PDIA6: variants seen among roughly 807,000 people sequenced by gnomAD.
PDIA6 encodes the protein protein disulfide isomerase family A member 6, also known as protein disulfide-isomerase A6.
Under a neutral mutation model 58.4 loss-of-function variants are expected in PDIA6, and 29 were observed. The observed-to-expected ratio is 0.50, with a 90% CI of 0.37 to 0.68. The LOEUF (loss-of-function observed/expected upper bound fraction) is 0.68. Among genes scored for constraint, PDIA6 ranks in the 30% least tolerant of loss-of-function variants. The pLI, the probability that PDIA6 is intolerant of heterozygous loss-of-function variation, is 0.00. For missense variants in PDIA6, 480 were observed against 551.0 expected, an observed-to-expected ratio of 0.87 and a Z score of 1.29; for synonymous variants, 192 against 202.6, an observed-to-expected ratio of 0.95 and a Z score of 0.44.
rs541201831 is a variant in PDIA6, at chr2:10,831,769, G to A, written c.-48+433C>T. Among the ~76,000 whole-genome samples the A allele has an allele frequency of 5.3e-4, 81 of 152,142 alleles. 1 individual carries two copies. The highest frequency in any genetic ancestry group is 1.9e-3 in the African/African-American group (77 of 41,500). The stretch of plus-strand genomic sequence containing the variant: ...GCCTGACAGGATGCAGTTTCCAAGC[G>A]GAACCCAGCTCCCGGCCGTAGTCAT... On this transcript the variant is annotated intron_variant, in intron 1 of 13. Transcript: ENST00000381611.
intron 1 of PDIA6, among the ~76,000 whole-genome samples, chr2:10,804,380 T>C (rs1666647161): frequency 8.5e-6 from 1 of 117,264 alleles, no homozygotes. Context: ...AGTTTCAGCT[T>C]TCTACATATG....
At chr2:10,828,503 C>A (rs1426649570) in intron 1 of PDIA6, among the ~76,000 whole-genome samples, 1 of 152,134 alleles carries the variant, frequency 6.6e-6, no homozygotes, top group South Asian at 2.1e-4. Context: ...CAGAGGAATG[C>A]GAGGGTCTGT....
At position 10,783,454 on chromosome 2, in the gene PDIA6, C is replaced by G; in HGVS notation, c.*804G>C. On this transcript the variant is annotated 3_prime_UTR_variant, in exon 13 of 13. Coordinates refer to ENST00000272227, the MANE Select transcript of PDIA6 (RefSeq NM_005742.4). Reference sequence around the variant, plus strand: ...AATGCTCTCAAGTCCTTTGAATGTTCCAACAAATTCAAAACTTCATTTTCT... The same window carrying G: ...AATGCTCTCAAGTCCTTTGAATGTTGCAACAAATTCAAAACTTCATTTTCT... 2.0e-6 allele frequency: 1 copy of G among 495,744 alleles called. No individual in the cohort carries two copies. The allele number at this position is 495,744 out of a possible 1,614,324, so 30.7% of individuals were successfully genotyped here. A position where few individuals can be genotyped will look rare whatever the true frequency, so the allele number is the denominator to read the frequency against.
At chr2:10,792,742 T>G (rs1473061923) in intron 5 of PDIA6, among the ~76,000 whole-genome samples, 4 of 151,172 alleles carry the variant, frequency 2.6e-5, no homozygotes, top group African/African-American at 7.3e-5. Context: ...GGTAATCCAA[T>G]CTCATCACGG....
At chr2:10,805,411 C>A (rs1666691636) in intron 1 of PDIA6, among the ~76,000 whole-genome samples, 8 of 60,134 alleles carry the variant, frequency 1.3e-4, no homozygotes, top group East Asian at 8.3e-4. Flanking sequence ...CAGGAAACAA[C>A]AGGTGCTGGA....
At chr2:10,818,755 T>C (rs1295728614) in intron 2 of PDIA6, among the ~76,000 whole-genome samples, 3 of 151,884 alleles carry the variant, frequency 2.0e-5, no homozygotes, top group African/African-American at 7.3e-5. Flanking sequence ...ACTCCTGACC[T>C]CAGGTGATCC....
intron 8 of PDIA6, 83 bp downstream of exon 8, chr2:10,789,666 T>C (rs1337903418): frequency 3.2e-6 from 4 of 1,250,146 alleles, no homozygotes; most frequent in African/African-American, 3.0e-5. Context: ...GGGCATAAAA[T>C]GAACAGTGTG....
At chr2:10,806,632 A>AAGACAGAAAGAAAGAC (rs1558452527) in intron 1 of PDIA6, among the ~76,000 whole-genome samples, 2 of 121,146 alleles carry the variant, frequency 1.7e-5, no homozygotes. Flanking sequence ...TAAAGACAGA[A>AAGACAGAAAGAAAGAC]AGAAAGAAAG....
chr2:10,835,883 T>C (rs992829121), upstream of PDIA6, among the ~76,000 whole-genome samples: 1 of 152,186 alleles, frequency 6.6e-6, no homozygotes, highest in Non-Finnish European at 1.5e-5. Flanking sequence ...AAATCCCGTC[T>C]CTACTAAAAA....
At chr2:10,816,705 C>T (rs1667207233), upstream of PDIA6, among the ~76,000 whole-genome samples, 1 of 152,042 alleles carries the variant, frequency 6.6e-6, no homozygotes, top group Admixed American at 6.6e-5. Context: ...TACAGCCTTC[C>T]TTTTTTCCGC....
Position 10,790,756 on chromosome 2 carries a change from T to C in PDIA6, c.662A>G (p.Asp221Gly). The change falls in exon 7 of 13, where the codon GAT becomes GGT. Residue 221 changes from aspartate (D) to glycine (G), a missense_variant. Asp to Gly is a moderately conservative substitution (Grantham distance 94, BLOSUM62 -1). Coordinates refer to ENST00000272227, the MANE Select transcript of PDIA6 (RefSeq NM_005742.4). ...GGCCAGAACCTGATTGACTGTAGCA[T>C]CCACAGCTGCCAGTTTCACTTTTCC... ...TKGKVKLAAV[D>G]ATVNQVLASR... 6.2e-7 allele frequency: 1 copy of C among 1,614,148 alleles called. No individual in the cohort carries two copies. The highest frequency in any genetic ancestry group is 8.5e-7 in the Non-Finnish European group (1 of 1,179,952).
rs987252655 is a variant in PDIA6, at chr2:10,797,693, A to G, written c.219+7T>C. ...TTGTAAGCCTTTTGCATTCCTAAGA[A>G]ACTTACTTTTAATGCAGTTGCTGCT... On this transcript the variant is annotated splice_region_variant and intron_variant, in intron 3 of 12. Transcript: ENST00000272227. The G allele has an allele frequency of 1.2e-6, 2 of 1,609,970 alleles. No individual in the cohort carries two copies. Among genetic ancestry groups the G allele is most frequent in the South Asian group, 2.2e-5 (2 of 90,434 alleles).
At chr2:10,812,414 A>G (rs950200538) in intron 1 of PDIA6, among the ~76,000 whole-genome samples, 11 of 149,566 alleles carry the variant, frequency 7.4e-5, no homozygotes, top group Admixed American at 4.0e-4. Flanking sequence ...CCGGCCCTGG[A>G]CCCCGCGCCC....
At chr2:10,835,879 C>T (rs1242081632), upstream of PDIA6, among the ~76,000 whole-genome samples, 2 of 152,142 alleles carry the variant, frequency 1.3e-5, no homozygotes, top group Non-Finnish European at 1.5e-5. Context: ...AGTGAAATCC[C>T]GTCTCTACTA....
chr2:10,797,770 G>A lies in PDIA6; in HGVS notation c.162-13C>T, dbSNP rs779016765. On this transcript the variant is annotated splice_polypyrimidine_tract_variant and intron_variant, in intron 2 of 12. Coordinates refer to ENST00000272227, the MANE Select transcript of PDIA6 (RefSeq NM_005742.4). Reference sequence around the variant, plus strand: ...ACAGTGACCACACCTTTTGGGGGAAGACAACACAAAGCAACCATTAAAGCC... The same window carrying A: ...ACAGTGACCACACCTTTTGGGGGAAAACAACACAAAGCAACCATTAAAGCC... 2.5e-6 allele frequency: 4 copies of A among 1,600,780 alleles called. No homozygotes were observed. Among genetic ancestry groups the A allele is most frequent in the South Asian group, 1.1e-5 (1 of 88,536 alleles).
intron 10 of PDIA6, among the ~76,000 whole-genome samples, 173 bp downstream of exon 10, chr2:10,788,524 C>T (rs369096410): frequency 2.1e-5 from 3 of 145,900 alleles, no homozygotes; most frequent in Non-Finnish European, 3.0e-5. Flanking sequence ...GGTGTGGTGG[C>T]GGGCGCCTAT....
At chr2:10,813,504 C>G (rs1309114769), upstream of PDIA6, among the ~76,000 whole-genome samples, 2 of 152,148 alleles carry the variant, frequency 1.3e-5, no homozygotes, top group African/African-American at 4.8e-5. Context: ...GTTTGTGGGG[C>G]AGGCTGGCGA....
Position 10,797,091 on chromosome 2 carries a change from T to A in PDIA6, c.336A>T (p.Glu112Asp). The change falls in exon 4 of 13, where the codon GAA becomes GAT. Residue 112 changes from glutamate to aspartate, a missense_variant. Physicochemically the swap from Glu to Asp is conservative, Grantham distance 45. Transcript: ENST00000272227. Reference protein sequence around the residue: ...KIFGSNKNRPEDYQGGRTGEA... With the variant: ...KIFGSNKNRPDDYQGGRTGEA... The stretch of plus-strand genomic sequence containing the variant: ...AGGAAAAGTCCTTACCTTGGTAATC[T>A]TCTGGTCTGTTTTTGTTGGATCCAA... 1 of 1,613,618 alleles carries A rather than the reference T, an allele frequency of 6.2e-7. No homozygotes were observed. The highest frequency in any genetic ancestry group is 8.5e-7 in the Non-Finnish European group (1 of 1,179,614).
chr2:10,816,721 T>C (rs1004782700), upstream of PDIA6, among the ~76,000 whole-genome samples: 2 of 152,174 alleles, frequency 1.3e-5, no homozygotes, highest in Non-Finnish European at 2.9e-5. Context: ...TCCGCAGTTA[T>C]TTTGCTTCCC....
Sources: allele counts gnomAD v4.1 joint callset (sites outside exome capture counted in the v4.1 genomes callset), GRCh38; gene constraint gnomAD v4.1.1; transcripts MANE v1.5; gene names NCBI Gene and HGNC (gene_info 2026-07-23, HGNC 2026-07-21).